Variants in HIGD1C observed in about 807,000 individuals in gnomAD.
HIGD1C encodes the protein HIG1 domain family member 1C.
Under a neutral mutation model 13.1 loss-of-function variants are expected in HIGD1C, and 11 were observed. The ratio of observed to expected loss-of-function variants is 0.84; its 90% CI spans 0.53 to 1.39. The LOEUF (loss-of-function observed/expected upper bound fraction) is 1.39. Among genes scored for constraint, HIGD1C ranks in the 40% most tolerant of loss-of-function variants. The pLI, the probability that HIGD1C is intolerant of heterozygous loss-of-function variation, is 0.00. For synonymous variants in HIGD1C, 36 were observed against 37.7 expected (o/e 0.95, Z 0.17); for missense variants, 110 against 112.0 (o/e 0.98, Z 0.08).
intron 1 of HIGD1C, among the ~76,000 whole-genome samples, chr12:50,956,022 A>G (rs1939079249): frequency 6.6e-6 from 1 of 152,216 alleles, no homozygotes; most frequent in South Asian, 2.1e-4. Context: ...AAGAAACAAA[A>G]CCAATTTAAG....
intron 2 of HIGD1C, among the ~76,000 whole-genome samples, chr12:50,965,349 G>A (rs1367968788): frequency 1.3e-5 from 2 of 148,836 alleles, no homozygotes; most frequent in African/African-American, 5.0e-5. Flanking sequence ...TCTTCACCTG[G>A]TGGGCTCAAG....
the HIGD1C span, among the ~76,000 whole-genome samples, chr12:50,938,559 C>A: frequency 6.6e-6 from 1 of 152,306 alleles, no homozygotes; most frequent in Admixed American, 6.5e-5. Flanking sequence ...CTGTTCCCAG[C>A]CCCTGTGGAC....
At chr12:50,966,349 T>C (rs1359862304) in intron 2 of HIGD1C, among the ~76,000 whole-genome samples, 1 of 152,224 alleles carries the variant, frequency 6.6e-6, no homozygotes, top group Non-Finnish European at 1.5e-5. Flanking sequence ...CCAATCTCCC[T>C]AATCCTTTGG....
chr12:50,953,371 G>C (rs1438858361), upstream of HIGD1C, among the ~76,000 whole-genome samples: 2 of 152,216 alleles, frequency 1.3e-5, no homozygotes, highest in Non-Finnish European at 2.9e-5. Flanking sequence ...ACAGACTCAG[G>C]CGCTGCTAAA....
upstream of HIGD1C, among the ~76,000 whole-genome samples, chr12:50,950,111 C>T (rs537394688): frequency 6.6e-6 from 1 of 152,282 alleles, no homozygotes; most frequent in South Asian, 2.1e-4. Context: ...TCACGGGTGA[C>T]AGGACCAAGG....
At chr12:50,945,339 C>T in the HIGD1C span, among the ~76,000 whole-genome samples, 4 of 152,280 alleles carry the variant, frequency 2.6e-5, no homozygotes, top group Admixed American at 1.3e-4. Context: ...AAAATCCCAT[C>T]GTCTCAGTCC....
downstream of HIGD1C, among the ~76,000 whole-genome samples, chr12:50,970,713 T>C (rs1939731997): frequency 1.3e-5 from 2 of 152,204 alleles, no homozygotes; most frequent in Admixed American, 1.3e-4. Context: ...TGTTAATGTC[T>C]TTCAGAACCT....
At chr12:50,952,710 C>T (rs114908296), upstream of HIGD1C, among the ~76,000 whole-genome samples, 2,472 of 152,290 alleles carry the variant, frequency 0.016, 65 homozygotes, top group African/African-American at 0.056. Flanking sequence ...ATGGCCTTAC[C>T]GCCAGGTGAG....
downstream of HIGD1C, among the ~76,000 whole-genome samples, chr12:50,971,511 G>A (rs1216019587): frequency 6.6e-6 from 1 of 152,160 alleles, no homozygotes; most frequent in Non-Finnish European, 1.5e-5. Context: ...GTCCAGAAGT[G>A]CTAATGCTAA....
intron 1 of HIGD1C, among the ~76,000 whole-genome samples, chr12:50,956,990 A>ATT (rs71089716): frequency 0.014 from 2,023 of 143,920 alleles, 44 homozygotes; most frequent in African/African-American, 0.047. Context: ...TCATTTTGTT[A>ATT]TTTTTTTTTT....
Position 50,968,042 on chromosome 12 carries a change from C to CG in HIGD1C, c.230-2399dup, listed in dbSNP as rs548414833. Among the ~76,000 whole-genome samples the CG allele has an allele frequency of 2.4e-3, 363 of 152,146 alleles. 2 individuals are homozygous for CG. The highest frequency in any genetic ancestry group is 8.1e-3 in the African/African-American group (336 of 41,498). ...GTCGAGGCTGCATGAGCCTTGCTCA[C>CG]GCCACTGCACTCCAGCCTTGGCCAC... On this transcript the variant is annotated intron_variant, in intron 2 of 2. Coordinates refer to ENST00000398455, the Ensembl canonical transcript of HIGD1C.
At chr12:50,950,563 C>T (rs1482712094), upstream of HIGD1C, among the ~76,000 whole-genome samples, 2 of 151,860 alleles carry the variant, frequency 1.3e-5, no homozygotes, top group Non-Finnish European at 2.9e-5. Context: ...AGTGCAGTGG[C>T]GCAATCTTGG....
chr12:50,955,478 T>G (rs1044648310), intron 1 of HIGD1C, among the ~76,000 whole-genome samples: 3 of 152,218 alleles, frequency 2.0e-5, no homozygotes, highest in Non-Finnish European at 4.4e-5. Context: ...CATGCCTGTT[T>G]CCTTGTGTTC....
At chr12:50,934,243 A>G in the HIGD1C span, among the ~76,000 whole-genome samples, 7 of 152,334 alleles carry the variant, frequency 4.6e-5, no homozygotes, top group Non-Finnish European at 8.8e-5. Context: ...TTTCAGTGGG[A>G]TAACTGCTTG....
At chr12:50,963,168 G>C (rs1316058883) in intron 2 of HIGD1C, among the ~76,000 whole-genome samples, 4 of 151,776 alleles carry the variant, frequency 2.6e-5, no homozygotes, top group Non-Finnish European at 4.4e-5. Flanking sequence ...TCAGGAGTTT[G>C]AGACAAGCCT....
chr12:50,942,017 A>T, the HIGD1C span, among the ~76,000 whole-genome samples: 1 of 152,110 alleles, frequency 6.6e-6, no homozygotes, highest in South Asian at 2.1e-4. Flanking sequence ...GCCTCCTGGG[A>T]CCACAGATGT....
upstream of HIGD1C, among the ~76,000 whole-genome samples, chr12:50,953,598 C>T (rs1331976862): frequency 1.3e-5 from 2 of 152,184 alleles, no homozygotes; most frequent in African/African-American, 4.8e-5. Context: ...CCTATGTTGG[C>T]ACTGCCATAC....
the HIGD1C span, among the ~76,000 whole-genome samples, chr12:50,941,508 A>G: frequency 6.6e-6 from 1 of 152,190 alleles, no homozygotes; most frequent in Non-Finnish European, 1.5e-5. Context: ...GTGCCATCTA[A>G]TGCCAATTCT....
At chr12:50,970,295 G>C in intron 2 of HIGD1C, 147 bp from the exon 5 acceptor site, 1 of 636,380 alleles carries the variant, frequency 1.6e-6, no homozygotes, top group Non-Finnish European at 2.8e-6. Flanking sequence ...TCACTTGTAT[G>C]ATCCAAACCA....
Sources: allele counts gnomAD v4.1 joint callset (sites outside exome capture counted in the v4.1 genomes callset), GRCh38; gene constraint gnomAD v4.1.1; transcripts MANE v1.5; gene names NCBI Gene and HGNC (gene_info 2026-07-23, HGNC 2026-07-21).